The following STXBP5L variants were observed in gnomAD, a reference collection of about 807,000 sequenced individuals.
The protein encoded by STXBP5L is syntaxin-binding protein 5-like.
STXBP5L carries 65 observed loss-of-function variants against 144.5 expected under a neutral mutation model. That is an observed-to-expected ratio of 0.45 (90% CI 0.37 to 0.55). The LOEUF is 0.55. Ranked by LOEUF, STXBP5L falls within the 20% of genes least tolerant of loss-of-function variation. STXBP5L has a pLI of 0.00. For missense variants in STXBP5L, 1,298 were observed against 1,405.5 expected, an observed-to-expected ratio of 0.92 and a Z score of 1.22; for synonymous variants, 505 against 469.6, an observed-to-expected ratio of 1.08 and a Z score of -0.97.
At chr3:121,135,337 A>G (rs2090565) in intron 7 of STXBP5L, among the ~76,000 whole-genome samples, 37 of 152,174 alleles carry the variant, frequency 2.4e-4, no homozygotes, top group Non-Finnish European at 4.6e-4. Flanking sequence ...GATTGCAAAA[A>G]TTTTCTCCCA....
chr3:121,085,656 G>A (rs1230896528), intron 5 of STXBP5L, among the ~76,000 whole-genome samples: 1 of 152,234 alleles, frequency 6.6e-6, no homozygotes, highest in East Asian at 1.9e-4. Flanking sequence ...ACAAACCACT[G>A]CTCAAGGAAA....
intron 25 of STXBP5L, 65 bp downstream of exon 25, chr3:121,416,033 T>C (rs965975004): frequency 1.6e-6 from 2 of 1,272,822 alleles, no homozygotes; most frequent in Middle Eastern, 1.9e-4. Flanking sequence ...TATGTGTATT[T>C]GTGTGTGTAA....
chr3:120,914,652 T>C (rs760495527), intron 2 of STXBP5L, among the ~76,000 whole-genome samples: 1 of 152,080 alleles, frequency 6.6e-6, no homozygotes, highest in African/African-American at 2.4e-5. Flanking sequence ...GCAACTGAGA[T>C]TGGGAAAAGA....
chr3:120,967,514 C>A (rs1939742749), intron 3 of STXBP5L, among the ~76,000 whole-genome samples: 1 of 152,154 alleles, frequency 6.6e-6, no homozygotes, highest in Non-Finnish European at 1.5e-5. Context: ...TTTGTTCTTA[C>A]TCTAGCTAAA....
chr3:120,912,336 T>G (rs148586350), intron 2 of STXBP5L, among the ~76,000 whole-genome samples: 1 of 152,000 alleles, frequency 6.6e-6, no homozygotes, highest in East Asian at 1.9e-4. Flanking sequence ...AAAATGAAAG[T>G]CTTATTTGAA....
chr3:120,962,114 TG>T (rs1220168096), intron 3 of STXBP5L, among the ~76,000 whole-genome samples: 1 of 151,032 alleles, frequency 6.6e-6, no homozygotes, highest in Non-Finnish European at 1.5e-5. Flanking sequence ...CACTTTTCGA[TG>T]GGGTTGTTTG....
At chr3:121,195,736 C>A (rs2047894809) in intron 9 of STXBP5L, among the ~76,000 whole-genome samples, 1 of 152,196 alleles carries the variant, frequency 6.6e-6, no homozygotes, top group Admixed American at 6.6e-5. Context: ...AGGACTACAG[C>A]TCAAATCTCC....
intron 3 of STXBP5L, among the ~76,000 whole-genome samples, chr3:121,010,602 G>A (rs1241808907): frequency 3.3e-5 from 5 of 151,630 alleles, no homozygotes; most frequent in Admixed American, 6.6e-5. Flanking sequence ...ACCGTCAAAA[G>A]CCTGTGTACA....
chr3:121,219,944 T>C (rs2108283226), intron 10 of STXBP5L, among the ~76,000 whole-genome samples: 1 of 152,310 alleles, frequency 6.6e-6, no homozygotes, highest in African/African-American at 2.4e-5. Context: ...TGGAACAAAC[T>C]TTTAATGCTG....
Position 121,056,083 on chromosome 3 carries a change from G to C in STXBP5L, c.470+10548G>C, listed in dbSNP as rs183248042. 8.0e-4 allele frequency among the ~76,000 whole-genome samples: 122 copies of C among 152,198 alleles called. 1 individual carries two copies. The highest frequency in any genetic ancestry group is 2.8e-3 in the African/African-American group (115 of 41,540). ...GCCTTACAAAGTATTAGGATTACAA[G>C]TATGAACCTTTGCATCTGGTAAGGC... is the stretch of plus-strand genomic sequence containing the variant. On this transcript the variant is annotated intron_variant, in intron 5 of 26. Coordinates refer to ENST00000471454, the MANE Select transcript of STXBP5L (RefSeq NM_001308330.2).
chr3:121,190,896 C>A (rs2047644968), intron 9 of STXBP5L, among the ~76,000 whole-genome samples: 1 of 151,164 alleles, frequency 6.6e-6, no homozygotes. Context: ...CCTCAGTTCC[C>A]AGACGGGGTC....
chr3:121,106,507 GT>G, intron 5 of STXBP5L, among the ~76,000 whole-genome samples: 1 of 152,120 alleles, frequency 6.6e-6, no homozygotes, highest in East Asian at 1.9e-4. Flanking sequence ...TTGGTTTTCT[GT>G]TCCTGTGTTA....
chr3:121,315,311 AT>A (rs2043744413), intron 19 of STXBP5L, among the ~76,000 whole-genome samples: 1 of 152,160 alleles, frequency 6.6e-6, no homozygotes, highest in South Asian at 2.1e-4. Flanking sequence ...AGCCATAAAA[AT>A]GGATGAGTTC....
intron 22 of STXBP5L, among the ~76,000 whole-genome samples, chr3:121,397,668 A>T (rs1451504983): frequency 1.3e-5 from 2 of 149,212 alleles, no homozygotes; most frequent in Admixed American, 6.7e-5. Context: ...TTCATGCATT[A>T]TATGTTGACT....
intron 2 of STXBP5L, among the ~76,000 whole-genome samples, 188 bp downstream of exon 2, chr3:120,909,955 T>C (rs1229659068): frequency 1.3e-5 from 2 of 152,144 alleles, no homozygotes; most frequent in Non-Finnish European, 2.9e-5. Flanking sequence ...AAAGCAATGA[T>C]AGTTTAAGTG....
intron 7 of STXBP5L, among the ~76,000 whole-genome samples, chr3:121,139,998 G>T (rs1182776467): frequency 1.3e-5 from 2 of 152,010 alleles, no homozygotes; most frequent in Non-Finnish European, 2.9e-5. Context: ...AAATAGACAT[G>T]TATATGCACA....
intron 3 of STXBP5L, among the ~76,000 whole-genome samples, chr3:120,994,641 C>T (rs1255757929): frequency 1.3e-5 from 2 of 152,104 alleles, no homozygotes; most frequent in Admixed American, 1.3e-4. Flanking sequence ...CCTACTTGAT[C>T]ATGCTATATT....
At chr3:121,388,615 T>A (rs1408054500) in intron 22 of STXBP5L, among the ~76,000 whole-genome samples, 1 of 152,172 alleles carries the variant, frequency 6.6e-6, no homozygotes, top group Non-Finnish European at 1.5e-5. Flanking sequence ...GCTGTTGAAT[T>A]TTGTTGAAGG....
chr3:121,073,535 C>A (rs1384384402), intron 5 of STXBP5L, among the ~76,000 whole-genome samples: 1 of 152,168 alleles, frequency 6.6e-6, no homozygotes, highest in Admixed American at 6.5e-5. Context: ...GGGCCAGTAC[C>A]ATGACCCTAG....
Sources: gnomAD v4.1 joint callset for allele counts (sites outside exome capture counted in the v4.1 genomes callset) on GRCh38, gnomAD v4.1.1 for gene constraint, MANE v1.5 for transcripts, NCBI Gene and HGNC (gene_info 2026-07-23, HGNC 2026-07-21) for gene names.